MINDY4: variants seen among roughly 807,000 people sequenced by gnomAD.
MINDY4 encodes the protein MINDY lysine 48 deubiquitinase 4.
A neutral mutation model predicts 87.0 loss-of-function variants in MINDY4; 68 were observed. The ratio of observed to expected loss-of-function variants is 0.78; its 90% confidence interval spans 0.64 to 0.96. The LOEUF is 0.96. Among genes scored for constraint, MINDY4 ranks in the 40% least tolerant of loss-of-function variants. The pLI is 0.00. For missense variants in MINDY4, 919 were observed against 928.2 expected (o/e 0.99, Z 0.13); for synonymous variants, 379 against 363.2 (o/e 1.04, Z -0.50).
At chr7:30,823,739 G>A (rs1174945096) in intron 5 of MINDY4, among the ~76,000 whole-genome samples, 1 of 151,936 alleles carries the variant, frequency 6.6e-6, no homozygotes, top group East Asian at 1.9e-4. Flanking sequence ...GTGTCTGTTG[G>A]CTTTCACTCA....
intron 5 of MINDY4, among the ~76,000 whole-genome samples, chr7:30,819,405 A>T (rs1293665718): frequency 6.6e-6 from 1 of 152,164 alleles, no homozygotes; most frequent in Non-Finnish European, 1.5e-5. Flanking sequence ...TTGAGACATA[A>T]TATGTGGACT....
intron 15 of MINDY4, among the ~76,000 whole-genome samples, chr7:30,881,571 G>A (rs561216868): frequency 9.5e-4 from 145 of 152,230 alleles, no homozygotes; most frequent in African/African-American, 3.0e-3. Context: ...TCATTCACCC[G>A]ACATTTACTT....
chr7:30,811,807 G>C (rs6960403), intron 5 of MINDY4, among the ~76,000 whole-genome samples: 1 of 152,112 alleles, frequency 6.6e-6, no homozygotes. Flanking sequence ...AATCGATCAC[G>C]ACCCTCTCAT....
chr7:30,855,613 G>A (rs1253636719), intron 12 of MINDY4, among the ~76,000 whole-genome samples: 1 of 152,224 alleles, frequency 6.6e-6, no homozygotes, highest in Non-Finnish European at 1.5e-5. Flanking sequence ...GGACTGGGGT[G>A]GCCCCTCAGC....
rs538788083 is a variant in MINDY4, at chr7:30,852,464, A to G, written c.1611+185A>G. ...GTGGCTTTGGGGATGGGCTCCTGCTAGAGCTGGCTTTACGGCCAAAAGGCT... is the reference window on the plus strand; with the variant it reads ...GTGGCTTTGGGGATGGGCTCCTGCTGGAGCTGGCTTTACGGCCAAAAGGCT... On this transcript the variant is annotated intron_variant, in intron 11 of 17. Transcript: ENST00000265299. 5.1e-5 allele frequency: 37 copies of G among 725,308 alleles called. 1 individual carries two copies. In the African/African-American group the frequency reaches 6.3e-4, roughly 12 times the overall value. The allele number at this position is 725,308 out of a possible 1,614,324, so 44.9% of individuals were successfully genotyped here.
chr7:30,809,649 T>C (rs1048626175), intron 5 of MINDY4, among the ~76,000 whole-genome samples: 19 of 152,148 alleles, frequency 1.2e-4, no homozygotes, highest in Admixed American at 1.2e-3. Context: ...TTACAAGTGT[T>C]TCAACAAAAG....
At chr7:30,853,488 T>C (rs760532444) in intron 12 of MINDY4, 29 bp downstream of exon 12, 1 of 1,560,054 alleles carries the variant, frequency 6.4e-7, no homozygotes, top group East Asian at 2.3e-5. Context: ...TCCTGTGGGA[T>C]GTGCGTCACT....
chr7:30,826,760 A>G lies in MINDY4; in HGVS notation c.1074-1919A>G, dbSNP rs144783758. Among the ~76,000 whole-genome samples the G allele has an allele frequency of 9.2e-5, 14 of 152,360 alleles. No homozygotes were observed. In the East Asian group the frequency reaches 2.7e-3, roughly 29 times the overall value. ...TGTAACCCTAGGAAAATTACTAAAC[A>G]TCTTTGAGGCTCAGTGAAATAAGTG... On this transcript the variant is annotated intron_variant, in intron 5 of 17. Coordinates refer to ENST00000265299, the MANE Select transcript of MINDY4 (RefSeq NM_032222.3).
At chr7:30,807,653 G>A (rs556493610) in intron 5 of MINDY4, among the ~76,000 whole-genome samples, 1 of 152,272 alleles carries the variant, frequency 6.6e-6, no homozygotes, top group East Asian at 1.9e-4. Flanking sequence ...CCCTGGGCCT[G>A]GTAGTTAAAG....
chr7:30,845,411 A>AT (rs1789178494), intron 9 of MINDY4, among the ~76,000 whole-genome samples: 1 of 149,602 alleles, frequency 6.7e-6, no homozygotes, highest in African/African-American at 2.5e-5. Context: ...ACATTGATTG[A>AT]TTGTGTTATT....
Position 30,791,299 on chromosome 7 carries a change from C to G in MINDY4, c.798C>G (p.Ser266=), listed in dbSNP as rs1172867821. 1.2e-6 allele frequency: 2 copies of G among 1,614,052 alleles called. No individual in the cohort carries two copies. The highest frequency in any genetic ancestry group is 2.7e-5 in the African/African-American group (2 of 74,914). Residue 266 remains serine (S), a synonymous_variant, in exon 5 of 18, where the codon TCC becomes TCG. Transcript: ENST00000265299. The part of the protein sequence containing the change: ...QQDILASSNS[S]PSRTSLGQLS... ...ACATTCTGGCTTCGAGCAACAGCTC[C>G]CCCTCCAGGACCTCCCTGGGTCAGC...
intron 14 of MINDY4, 52 bp downstream of exon 14, chr7:30,872,358 A>T: frequency 1.3e-6 from 2 of 1,510,178 alleles, no homozygotes; most frequent in South Asian, 1.1e-5. Context: ...TCTGTCCCTC[A>T]GAGAGGGAGA....
chr7:30,806,824 G>A (rs1430083762), intron 5 of MINDY4, among the ~76,000 whole-genome samples: 1 of 152,246 alleles, frequency 6.6e-6, no homozygotes, highest in Admixed American at 6.5e-5. Flanking sequence ...TCTTCTAGAA[G>A]GTTTTCCCAG....
intron 12 of MINDY4, among the ~76,000 whole-genome samples, chr7:30,853,974 G>A (rs1789494659): frequency 6.7e-6 from 1 of 149,224 alleles, no homozygotes; most frequent in Non-Finnish European, 1.5e-5. Context: ...GGGGGCTCTG[G>A]AGCCCCCCCG....
chr7:30,788,541 G>A (rs1369659492), intron 4 of MINDY4, among the ~76,000 whole-genome samples: 2 of 152,100 alleles, frequency 1.3e-5, no homozygotes, highest in African/African-American at 2.4e-5. Context: ...GTATTGCAAA[G>A]CTCTCAAGCT....
chr7:30,869,832 G>A (rs1790047731), intron 13 of MINDY4, among the ~76,000 whole-genome samples: 1 of 152,132 alleles, frequency 6.6e-6, no homozygotes, highest in Non-Finnish European at 1.5e-5. Flanking sequence ...TGCAGGAGGG[G>A]AGACCGAGGC....
chr7:30,827,788 A>C (rs544097021), intron 5 of MINDY4, among the ~76,000 whole-genome samples: 2 of 152,188 alleles, frequency 1.3e-5, no homozygotes, highest in Non-Finnish European at 2.9e-5. Context: ...CATCTTCAGG[A>C]GGAAACCAAT....
At chr7:30,812,348 A>G (rs1470936270) in intron 5 of MINDY4, among the ~76,000 whole-genome samples, 1 of 152,152 alleles carries the variant, frequency 6.6e-6, no homozygotes, top group East Asian at 1.9e-4. Context: ...ACTATAAGTG[A>G]AGGGTATATG....
chr7:30,782,270 A>G (rs888426633), intron 3 of MINDY4, 58 bp downstream of exon 3: 42 of 1,293,778 alleles, frequency 3.2e-5, no homozygotes, highest in African/African-American at 1.3e-4. Context: ...ACAAATTACT[A>G]TGTACTTCAT....
Sources: allele counts gnomAD v4.1 joint callset (sites outside exome capture counted in the v4.1 genomes callset), GRCh38; gene constraint gnomAD v4.1.1; transcripts MANE v1.5; gene names NCBI Gene and HGNC (gene_info 2026-07-23, HGNC 2026-07-21).